Variants in EDC3 observed in about 807,000 individuals in gnomAD.
The protein encoded by EDC3 is enhancer of mRNA-decapping protein 3.
Under a neutral mutation model 41.8 loss-of-function variants are expected in EDC3, and 20 were observed. That is an observed-to-expected ratio of 0.48 (90% CI 0.34 to 0.70). The LOEUF is 0.70. Among genes scored for constraint, EDC3 ranks in the 30% least tolerant of loss-of-function variants. EDC3 has a pLI of 0.01. For missense variants in EDC3, 444 were observed against 636.8 expected, an observed-to-expected ratio of 0.70 and a Z score of 3.26; for synonymous variants, 206 against 243.2, an observed-to-expected ratio of 0.85 and a Z score of 1.42.
In EDC3 at chr15:74,640,501, A is replaced by G. The variant is rs1331619485; in HGVS notation, c.939T>C (p.Ser313=). The G allele has an allele frequency of 6.2e-7, 1 of 1,614,008 alleles. No individual in the cohort carries two copies. Among genetic ancestry groups the G allele is most frequent in the African/African-American group, 1.3e-5 (1 of 74,874 alleles). ...CTCCGAGGAGGGTCAGTGCCATCTG[A>G]CTGGCACACACACCTGTCATCTCCA... ...RRLEMTGVCA[S]QMALTLLGGP... The change falls in exon 5 of 7, where the codon AGT becomes AGC. Residue 313 remains serine (S), a synonymous_variant. Transcript: ENST00000315127.
In EDC3 at chr15:74,674,945, C is replaced by CA; in HGVS notation, c.164+15dup. On this transcript the variant is annotated intron_variant, in intron 2 of 6. Transcript: ENST00000315127. ...ACCACCAGGTTGGATTCAGAAGAGTCAGTCAGGACACTCACCTGAAGGTGA... is the reference window on the plus strand; with the variant it reads ...ACCACCAGGTTGGATTCAGAAGAGTCAAGTCAGGACACTCACCTGAAGGTGA... 1 of 1,613,676 alleles carries CA rather than the reference C, an allele frequency of 6.2e-7. No individual in the cohort carries two copies. The highest frequency in any genetic ancestry group is 2.2e-5 in the East Asian group (1 of 44,882).
rs558061339 is a variant in EDC3, at chr15:74,663,282, C to T, written c.485-7214G>A. On this transcript the variant is annotated intron_variant, in intron 3 of 6. Coordinates refer to ENST00000315127, the MANE Select transcript of EDC3 (RefSeq NM_025083.5). The stretch of plus-strand genomic sequence containing the variant: ...CAGCCTGGGTGACAGAGCAAGACTC[C>T]GTCTCAAAAAATAAATAAATAAATA... Among the ~76,000 whole-genome samples the T allele has an allele frequency of 5.1e-4, 77 of 151,310 alleles. 1 individual carries two copies. Among genetic ancestry groups the T allele is most frequent in the African/African-American group, 1.8e-3 (73 of 41,172 alleles).
intron 6 of EDC3, among the ~76,000 whole-genome samples, chr15:74,633,925 TGA>T (rs1252382381): frequency 2.0e-5 from 3 of 152,012 alleles, no homozygotes; most frequent in African/African-American, 7.2e-5. Flanking sequence ...CTCTCAAGAG[TGA>T]GAGTGGCATC....
chr15:74,685,177 T>C (rs1328578934), intron 1 of EDC3, among the ~76,000 whole-genome samples: 1 of 152,028 alleles, frequency 6.6e-6, no homozygotes, highest in African/African-American at 2.4e-5. Flanking sequence ...GGCAGATGGC[T>C]TGAGTCCAGA....
intron 3 of EDC3, among the ~76,000 whole-genome samples, chr15:74,664,426 T>C (rs1338185465): frequency 1.3e-5 from 2 of 152,276 alleles, no homozygotes; most frequent in African/African-American, 4.8e-5. Context: ...GCTGGCTGCC[T>C]TCCTGTGCCG....
intron 2 of EDC3, among the ~76,000 whole-genome samples, chr15:74,674,007 G>A (rs1356820934): frequency 2.0e-5 from 3 of 152,132 alleles, no homozygotes; most frequent in Non-Finnish European, 2.9e-5. Flanking sequence ...AAAAGTAAAG[G>A]AATGGAGGAA....
rs569303360 is a variant in EDC3 at position 74,633,970 on chromosome 15, G to A, written c.1193-1024C>T. On this transcript the variant is annotated intron_variant, in intron 6 of 6. Transcript: ENST00000315127. ...CTGTGTGCCCACAGGAGCCTGGCCC[G>A]AGACTTAGCAGGTGAAGTTTCTGGT... Among the ~76,000 whole-genome samples, 32 of 152,314 alleles carry A rather than the reference G, an allele frequency of 2.1e-4. No individual in the cohort carries two copies. The East Asian group carries it at 5.0e-3, about 24-fold the overall frequency.
At chr15:74,686,093 G>A (rs1186225931) in intron 1 of EDC3, among the ~76,000 whole-genome samples, 1 of 152,114 alleles carries the variant, frequency 6.6e-6, no homozygotes, top group Non-Finnish European at 1.5e-5. Context: ...TTGGAAGGCT[G>A]AGGCAGGTGG....
At position 74,642,120 on chromosome 15, in the gene EDC3, G is replaced by A. The variant is rs541505319; in HGVS notation, c.821-1501C>T. On this transcript the variant is annotated intron_variant, in intron 4 of 6. Coordinates refer to ENST00000315127, the MANE Select transcript of EDC3 (RefSeq NM_025083.5). ...GCTATAGCTTCATGTTTTAACAACA[G>A]GAAACCAAGCACAAAGACTGAAACT... 5.3e-5 allele frequency: 8 copies of A among 152,282 alleles called. No individual in the cohort carries two copies. The East Asian group carries it at 1.3e-3, about 26-fold the overall frequency. 9.4% of individuals were successfully genotyped at this position (152,282 alleles called of 1,614,324 possible).
At chr15:74,676,383 TC>T (rs1256140980) in intron 1 of EDC3, among the ~76,000 whole-genome samples, 2 of 151,280 alleles carry the variant, frequency 1.3e-5, no homozygotes, top group African/African-American at 4.9e-5. Context: ...AGAAAGGAAA[TC>T]AAGAGCAGAA....
chr15:74,646,726 T>C (rs1300036591), intron 4 of EDC3, among the ~76,000 whole-genome samples: 2 of 152,182 alleles, frequency 1.3e-5, no homozygotes, highest in Non-Finnish European at 2.9e-5. Context: ...CAGAAGGTTT[T>C]AAAAGCTGAG....
At chr15:74,678,270 A>G (rs2062828777) in intron 1 of EDC3, among the ~76,000 whole-genome samples, 2 of 152,050 alleles carry the variant, frequency 1.3e-5, no homozygotes, top group Non-Finnish European at 2.9e-5. Context: ...AGGTTCATCA[A>G]TTGTAACAAA....
At chr15:74,636,962 A>G (rs1318447539) in intron 5 of EDC3, 1 of 152,198 alleles carries the variant, frequency 6.6e-6, no homozygotes, top group Non-Finnish European at 1.5e-5. Flanking sequence ...TGTAGAGTAT[A>G]TGGGCACTGG....
At chr15:74,678,963 G>A (rs181063373) in intron 1 of EDC3, among the ~76,000 whole-genome samples, 31 of 151,488 alleles carry the variant, frequency 2.0e-4, no homozygotes, top group African/African-American at 6.8e-4. Flanking sequence ...GGCTGAGGAG[G>A]GTAGATCACT....
intron 1 of EDC3, among the ~76,000 whole-genome samples, chr15:74,680,809 G>C (rs2062862514): frequency 6.6e-6 from 1 of 151,866 alleles, no homozygotes; most frequent in Non-Finnish European, 1.5e-5. Flanking sequence ...ACATACAAAA[G>C]CCAATCTTAT....
At chr15:74,691,668 A>T (rs2063009062) in intron 1 of EDC3, among the ~76,000 whole-genome samples, 1 of 152,218 alleles carries the variant, frequency 6.6e-6, no homozygotes, top group African/African-American at 2.4e-5. Flanking sequence ...TAACTAGATG[A>T]TCAATTTTAA....
chr15:74,654,649 G>A (rs2062523535), intron 4 of EDC3, among the ~76,000 whole-genome samples: 1 of 151,782 alleles, frequency 6.6e-6, no homozygotes, highest in Non-Finnish European at 1.5e-5. Context: ...GCAAAAGACT[G>A]ACACAGTTCA....
chr15:74,637,823 T>A (rs1294031367), intron 5 of EDC3: 1 of 152,168 alleles, frequency 6.6e-6, no homozygotes, highest in Non-Finnish European at 1.5e-5. Context: ...CCAGGTTCCA[T>A]TTTGCAAATA....
In EDC3 at chr15:74,662,436, T is replaced by TATA. The variant is rs201509563; in HGVS notation, c.485-6369_485-6368insTAT. On this transcript the variant is annotated intron_variant, in intron 3 of 6. Transcript: ENST00000315127. ...AAACAGCAATATATATATATATATA[T>TATA]TTTTTTTTTAAAAAGCAAACACTAG... 1.1e-4 allele frequency among the ~76,000 whole-genome samples: 12 copies of TATA among 113,790 alleles called. No individual in the cohort carries two copies. In the South Asian group the frequency reaches 1.3e-3, roughly 13 times the overall value. 74.7% of individuals were successfully genotyped at this position (113,790 alleles called of 152,430 possible).
Sources: gnomAD v4.1 joint callset for allele counts (sites outside exome capture counted in the v4.1 genomes callset) on GRCh38, gnomAD v4.1.1 for gene constraint, MANE v1.5 for transcripts, NCBI Gene and HGNC (gene_info 2026-07-23, HGNC 2026-07-21) for gene names.